The following TASP1 variants were observed in gnomAD, a reference collection of about 807,000 sequenced individuals.
TASP1 encodes the protein taspase 1.
TASP1 carries 16 observed loss-of-function variants against 56.6 expected under a neutral mutation model. The ratio of observed to expected loss-of-function variants is 0.28; its 90% CI spans 0.19 to 0.43. TASP1 has a LOEUF of 0.43. Among genes scored for constraint, TASP1 ranks in the 20% least tolerant of loss-of-function variants. TASP1 has a pLI of 1.00. For missense variants in TASP1, 393 were observed against 511.6 expected (o/e 0.77, Z 2.24); for synonymous variants, 179 against 184.2 (o/e 0.97, Z 0.23).
At chr20:13,550,499 A>T (rs888154925) in intron 8 of TASP1, among the ~76,000 whole-genome samples, 1 of 152,106 alleles carries the variant, frequency 6.6e-6, no homozygotes, top group Admixed American at 6.6e-5. Context: ...AATTTCAAAT[A>T]CCAGACAATC....
chr20:13,255,431 C>G, the TASP1 span, among the ~76,000 whole-genome samples: 1 of 151,924 alleles, frequency 6.6e-6, no homozygotes, highest in African/African-American at 2.4e-5. Flanking sequence ...AAGTAAATGT[C>G]TAATAATTTA....
intron 12 of TASP1, among the ~76,000 whole-genome samples, chr20:13,419,436 A>C (rs2042364826): frequency 6.6e-6 from 1 of 152,214 alleles, no homozygotes; most frequent in Non-Finnish European, 1.5e-5. Flanking sequence ...TATCTAAATA[A>C]AAAGTTACAA....
At chr20:13,202,828 A>T in the TASP1 span, among the ~76,000 whole-genome samples, 3 of 152,234 alleles carry the variant, frequency 2.0e-5, no homozygotes, top group African/African-American at 7.2e-5. Flanking sequence ...GCCACCTGTG[A>T]GTGGTTGAAT....
the TASP1 span, chr20:13,167,986 C>T: frequency 6.6e-6 from 1 of 152,186 alleles, no homozygotes; most frequent in Non-Finnish European, 1.5e-5. Flanking sequence ...ATTTATTCCA[C>T]AGTCAACCTT....
chr20:13,449,695 G>C (rs1902688862), intron 11 of TASP1, among the ~76,000 whole-genome samples: 1 of 152,034 alleles, frequency 6.6e-6, no homozygotes, highest in African/African-American at 2.4e-5. Flanking sequence ...GTACTGAGAG[G>C]TTATACAGTT....
At chr20:13,214,827 C>T in the TASP1 span, among the ~76,000 whole-genome samples, 1 of 152,162 alleles carries the variant, frequency 6.6e-6, no homozygotes, top group Admixed American at 6.5e-5. Context: ...TTCAATTATG[C>T]TTGCAACTTT....
At chr20:13,529,065 C>T (rs1027319640) in intron 9 of TASP1, among the ~76,000 whole-genome samples, 3 of 152,016 alleles carry the variant, frequency 2.0e-5, no homozygotes, top group South Asian at 2.1e-4. Flanking sequence ...TCTGTGTTGA[C>T]GTGGCACAAG....
the TASP1 span, among the ~76,000 whole-genome samples, chr20:13,308,649 T>C: frequency 1.3e-5 from 2 of 152,320 alleles, no homozygotes; most frequent in African/African-American, 2.4e-5. Context: ...TTAAATGATC[T>C]AGGCTATTCG....
At chr20:13,307,493 G>T in the TASP1 span, among the ~76,000 whole-genome samples, 1 of 152,112 alleles carries the variant, frequency 6.6e-6, no homozygotes, top group Non-Finnish European at 1.5e-5. Context: ...ACTCACTGAA[G>T]TGTACACTTT....
intron 4 of TASP1, among the ~76,000 whole-genome samples, chr20:13,607,262 CT>C (rs2147404103): frequency 6.6e-6 from 1 of 152,318 alleles, no homozygotes; most frequent in East Asian, 1.9e-4. Context: ...AAGTCAGGAG[CT>C]ACTCTCCCAC....
intron 4 of TASP1, among the ~76,000 whole-genome samples, chr20:13,617,613 T>C: frequency 6.6e-6 from 1 of 152,170 alleles, no homozygotes; most frequent in East Asian, 1.9e-4. Context: ...TATGAAAATA[T>C]AATTTCTACA....
In TASP1 at chr20:13,559,628, A is replaced by C. The variant is rs182596163; in HGVS notation, c.569-514T>G. Among the ~76,000 whole-genome samples, 3 of 152,344 alleles carry C rather than the reference A, an allele frequency of 2.0e-5. No homozygotes were observed. The East Asian group carries it at 5.8e-4, about 29-fold the overall frequency. ...ATCTCAGCTTTGGTTCTAGATGTAAAGAGGAAACATCTCCCTAGAAATTTC... is the reference window on the plus strand; with the variant it reads ...ATCTCAGCTTTGGTTCTAGATGTAACGAGGAAACATCTCCCTAGAAATTTC... On this transcript the variant is annotated intron_variant, in intron 7 of 13. Transcript: ENST00000337743.
the TASP1 span, among the ~76,000 whole-genome samples, chr20:13,344,840 G>T: frequency 6.6e-6 from 1 of 152,200 alleles, no homozygotes; most frequent in Admixed American, 6.5e-5. Context: ...TCAGCGGCTG[G>T]CATGATTCAT....
intron 4 of TASP1, among the ~76,000 whole-genome samples, chr20:13,591,358 CAT>C (rs1329904291): frequency 6.6e-6 from 1 of 152,022 alleles, no homozygotes; most frequent in Non-Finnish European, 1.5e-5. Context: ...CAAAAAGACA[CAT>C]GTGAAAATGA....
intron 8 of TASP1, among the ~76,000 whole-genome samples, chr20:13,550,835 T>C (rs2045960275): frequency 6.6e-6 from 1 of 152,098 alleles, no homozygotes; most frequent in African/African-American, 2.4e-5. Flanking sequence ...TCTCCTCTTC[T>C]GGCAAGCACA....
At chr20:13,281,201 T>C in the TASP1 span, among the ~76,000 whole-genome samples, 1 of 152,348 alleles carries the variant, frequency 6.6e-6, no homozygotes, top group Non-Finnish European at 1.5e-5. Flanking sequence ...AGGCATAGTC[T>C]GTCCCCAGAA....
At chr20:13,346,542 G>A in the TASP1 span, among the ~76,000 whole-genome samples, 23 of 152,266 alleles carry the variant, frequency 1.5e-4, no homozygotes, top group African/African-American at 4.6e-4. Flanking sequence ...CAGAGATTCC[G>A]CCCACAGCAC....
At chr20:13,110,312 G>T in the TASP1 span, 8 of 1,051,004 alleles carry the variant, frequency 7.6e-6, no homozygotes, top group South Asian at 1.5e-5. Flanking sequence ...ACAGAGAAAT[G>T]ACTTAGAATT....
At chr20:13,513,715 A>G (rs2044423784) in intron 10 of TASP1, among the ~76,000 whole-genome samples, 1 of 152,110 alleles carries the variant, frequency 6.6e-6, no homozygotes, top group African/African-American at 2.4e-5. Context: ...TCCCATAGTG[A>G]GTGGCTGAAA....
Sources: gnomAD v4.1 joint callset for allele counts (sites outside exome capture counted in the v4.1 genomes callset) on GRCh38, gnomAD v4.1.1 for gene constraint, MANE v1.5 for transcripts, NCBI Gene and HGNC (gene_info 2026-07-23, HGNC 2026-07-21) for gene names.